Variants in SLC9A7 observed in about 807,000 individuals in gnomAD.
SLC9A7 encodes the protein sodium/hydrogen exchanger 7.
In SLC9A7, 19 loss-of-function variants were observed where a neutral mutation model predicts 52.6. The observed-to-expected ratio is 0.36, with a 90% CI of 0.25 to 0.53. The LOEUF (loss-of-function observed/expected upper bound fraction) is 0.53, where lower values mean the gene tolerates loss of function less well. Ranked by LOEUF, SLC9A7 falls within the 20% of genes least tolerant of loss-of-function variation. The probability of loss-of-function intolerance (pLI) is 0.91; values close to 1 mark genes in which losing one functional copy is unlikely to be tolerated. For synonymous variants in SLC9A7, 226 were observed against 252.1 expected (o/e 0.90, Z 0.98); for missense variants, 455 against 597.9 (o/e 0.76, Z 2.49).
chrX:46,738,383 G>A, intron 1 of SLC9A7, among the ~76,000 whole-genome samples: 1 of 112,461 alleles, frequency 8.9e-6, no homozygotes, highest in Non-Finnish European at 1.9e-5. Context: ...CAGGACTCCT[G>A]TGGAAATGTC....
intron 7 of SLC9A7, among the ~76,000 whole-genome samples, chrX:46,659,938 C>T (rs1943782661): frequency 9.0e-6 from 1 of 110,592 alleles, no homozygotes; most frequent in Non-Finnish European, 1.9e-5. Context: ...CCAAACAAAG[C>T]TGGAGGCATC....
At chrX:46,695,799 A>G (rs1944440679) in intron 1 of SLC9A7, among the ~76,000 whole-genome samples, 1 of 110,067 alleles carries the variant, frequency 9.1e-6, no homozygotes, top group African/African-American at 3.3e-5. Context: ...CTAGGTACTC[A>G]AAACATATTT....
At chrX:46,685,289 G>A (rs758756817) in intron 1 of SLC9A7, 2 of 116,974 alleles carry the variant, frequency 1.7e-5, no homozygotes, top group Non-Finnish European at 3.5e-5. Context: ...CCTGTGTACC[G>A]TTTTCTCCTT....
intron 7 of SLC9A7, 65 bp from the exon 8 acceptor site, chrX:46,653,779 C>T (rs1293038795): frequency 1.6e-5 from 14 of 871,009 alleles, no homozygotes; most frequent in Admixed American, 5.0e-5. Flanking sequence ...AACCATACTC[C>T]ACTAGCCCAG....
At chrX:46,628,225 A>G (rs1054368935) in intron 14 of SLC9A7, among the ~76,000 whole-genome samples, 1 of 112,288 alleles carries the variant, frequency 8.9e-6, no homozygotes, top group Non-Finnish European at 1.9e-5. Flanking sequence ...GTCTGCATGT[A>G]CGGCCAACAG....
chrX:46,658,035 G>T (rs1943735770), intron 7 of SLC9A7, among the ~76,000 whole-genome samples: 2 of 107,130 alleles, frequency 1.9e-5, no homozygotes, highest in Admixed American at 1.0e-4. Flanking sequence ...TCAGACCACA[G>T]TGCAATCAAA....
rs1377026684 is a variant in SLC9A7 at position 46,602,369 on chromosome X, T to C, written c.*4583A>G. 8.9e-6 allele frequency: 1 copy of C among 111,983 alleles called. No individual in the cohort carries two copies. Among genetic ancestry groups the C allele is most frequent in the South Asian group, 3.7e-4 (1 of 2,693 alleles). 9.2% of individuals were successfully genotyped at this position (111,983 alleles called of 1,213,427 possible). ...ATGACTAACAATTTAAAAAAACACC[T>C]TCATCTGCTGGGCCATTCTTTAAAA... On this transcript the variant is annotated 3_prime_UTR_variant, in exon 17 of 17. Coordinates refer to ENST00000616978, the MANE Select transcript of SLC9A7 (RefSeq NM_001257291.2).
intron 1 of SLC9A7, among the ~76,000 whole-genome samples, chrX:46,742,309 T>C (rs1046539211): frequency 5.4e-5 from 6 of 111,191 alleles, no homozygotes; most frequent in African/African-American, 2.0e-4. Context: ...TACAAAAACC[T>C]GTACAGTAAT....
intron 1 of SLC9A7, among the ~76,000 whole-genome samples, chrX:46,698,780 C>T (rs1216296198): frequency 2.7e-5 from 3 of 111,543 alleles, no homozygotes; most frequent in Non-Finnish European, 5.6e-5. Flanking sequence ...AAGGGATTTG[C>T]GTACATTTTT....
intron 8 of SLC9A7, among the ~76,000 whole-genome samples, 175 bp from the exon 9 acceptor site, chrX:46,651,579 G>A (rs1943582128): frequency 9.0e-6 from 1 of 111,399 alleles, no homozygotes; most frequent in Non-Finnish European, 1.9e-5. Flanking sequence ...TGTAATCCCA[G>A]CACTGCAGGA....
intron 7 of SLC9A7, among the ~76,000 whole-genome samples, chrX:46,660,349 C>T (rs897983777): frequency 1.8e-5 from 2 of 111,742 alleles, no homozygotes; most frequent in Admixed American, 9.5e-5. Context: ...GCAATGGCAA[C>T]GAAAGCCAAA....
rs6651858 is a variant in SLC9A7 at position 46,661,991 on chromosome X, C to T, written c.1041+25G>A. 696 of 1,162,382 alleles carry T rather than the reference C, an allele frequency of 6.0e-4. 4 individuals are homozygous for T. In the African/African-American group the frequency reaches 0.011, roughly 19 times the overall value. Reference sequence around the variant, plus strand: ...AATGCCACACACGCATACCCAGGCCCGAGCTGAAACTACAAAAAGGATATT... The same window carrying T: ...AATGCCACACACGCATACCCAGGCCTGAGCTGAAACTACAAAAAGGATATT... On this transcript the variant is annotated intron_variant, in intron 7 of 16. Transcript: ENST00000616978.
chrX:46,668,441 A>G, intron 5 of SLC9A7, among the ~76,000 whole-genome samples: 1 of 111,522 alleles, frequency 9.0e-6, no homozygotes. Flanking sequence ...GCGGAGGCAG[A>G]GGTTACGGTG....
chrX:46,676,272 T>TAGG (rs1944118135), intron 3 of SLC9A7, among the ~76,000 whole-genome samples: 1 of 111,415 alleles, frequency 9.0e-6, no homozygotes, highest in Admixed American at 9.5e-5. Context: ...TCCAGGTAGA[T>TAGG]AGTGTCAGAA....
intron 7 of SLC9A7, among the ~76,000 whole-genome samples, chrX:46,661,379 A>T (rs952564007): frequency 3.7e-5 from 4 of 107,786 alleles, no homozygotes; most frequent in Admixed American, 9.8e-5. Flanking sequence ...TAATAATAAT[A>T]AAAAAAAAGA....
intron 1 of SLC9A7, among the ~76,000 whole-genome samples, chrX:46,757,934 CACG>C (rs1281485938): frequency 8.9e-6 from 1 of 111,809 alleles, no homozygotes; most frequent in Non-Finnish European, 1.9e-5. Context: ...GAATTAAAAC[CACG>C]ACTTTTCCCC....
intron 12 of SLC9A7, among the ~76,000 whole-genome samples, chrX:46,638,895 C>T (rs1035119690): frequency 1.8e-5 from 2 of 112,130 alleles, no homozygotes; most frequent in African/African-American, 6.5e-5. Context: ...CAAAAACAGA[C>T]AAAAGCAGTA....
intron 5 of SLC9A7, among the ~76,000 whole-genome samples, chrX:46,662,998 A>T (rs957355581): frequency 2.7e-5 from 3 of 112,639 alleles, no homozygotes; most frequent in African/African-American, 9.7e-5. Flanking sequence ...CTCTGGCTCA[A>T]TAGAGCCAAG....
intron 1 of SLC9A7, among the ~76,000 whole-genome samples, chrX:46,729,576 C>T (rs1463255981): frequency 9.0e-6 from 1 of 110,748 alleles, no homozygotes; most frequent in African/African-American, 3.3e-5. Flanking sequence ...GAGTTCAAGA[C>T]CAGCCTGACC....
Sources: gnomAD v4.1 joint callset for allele counts (sites outside exome capture counted in the v4.1 genomes callset) on GRCh38, gnomAD v4.1.1 for gene constraint, MANE v1.5 for transcripts, NCBI Gene and HGNC (gene_info 2026-07-23, HGNC 2026-07-21) for gene names.